SLC38A12: variants seen among roughly 807,000 people sequenced by gnomAD.
The protein encoded by SLC38A12 is solute carrier family 38 member 12, also known as putative sodium-coupled neutral amino acid transporter 12.
At chr17:74,833,851 C>T in the SLC38A12 span, among the ~76,000 whole-genome samples, 1 of 152,172 alleles carries the variant, frequency 6.6e-6, no homozygotes, top group Non-Finnish European at 1.5e-5. Flanking sequence ...GCAGCTGCCC[C>T]CATTGCCCTG....
At chr17:74,780,420 G>A in the SLC38A12 span, among the ~76,000 whole-genome samples, 2 of 152,238 alleles carry the variant, frequency 1.3e-5, no homozygotes, top group African/African-American at 4.8e-5. Flanking sequence ...CACAGAGGAA[G>A]AGGTGAGAAT....
At chr17:74,836,575 A>G in the SLC38A12 span, 1 of 1,613,214 alleles carries the variant, frequency 6.2e-7, no homozygotes, top group Non-Finnish European at 8.5e-7. The surrounding 1 kb of genome is among the most constrained non-coding windows in gnomAD (Gnocchi z 4.2). Context: ...GTCAGCAACA[A>G]GCACAGGTCC....
At chr17:74,786,997 G>A in the SLC38A12 span, among the ~76,000 whole-genome samples, 85 of 152,244 alleles carry the variant, frequency 5.6e-4, no homozygotes, top group East Asian at 0.014. Flanking sequence ...AGTTGGCCTT[G>A]CGCAACCATG....
chr17:74,777,553 A>C, the SLC38A12 span: 1 of 1,534,902 alleles, frequency 6.5e-7, no homozygotes, highest in South Asian at 1.2e-5. Context: ...CTCAGAATGT[A>C]AGTCAGATTT....
chr17:74,837,566 G>A, the SLC38A12 span: 2 of 985,348 alleles, frequency 2.0e-6, no homozygotes, highest in African/African-American at 3.5e-5. Flanking sequence ...AGGGCTCTGA[G>A]GTTCCCACCC....
chr17:74,831,711 A>AC, the SLC38A12 span, among the ~76,000 whole-genome samples: 6 of 150,226 alleles, frequency 4.0e-5, no homozygotes, highest in African/African-American at 1.5e-4. Flanking sequence ...CTGGGGGCCG[A>AC]CCCCCCTGCA....
the SLC38A12 span, chr17:74,795,569 A>G: frequency 3.1e-6 from 5 of 1,613,984 alleles, no homozygotes; most frequent in African/African-American, 5.3e-5. Context: ...CAGACACCAA[A>G]TACAATGACA....
chr17:74,793,650 G>A, the SLC38A12 span, among the ~76,000 whole-genome samples: 4 of 152,202 alleles, frequency 2.6e-5, no homozygotes, highest in Non-Finnish European at 5.9e-5. Context: ...TGGAGGAAAG[G>A]CTGGGAGTGG....
At chr17:74,812,674 C>G in the SLC38A12 span, among the ~76,000 whole-genome samples, 52 of 152,162 alleles carry the variant, frequency 3.4e-4, no homozygotes, top group African/African-American at 1.2e-3. Flanking sequence ...GATGAGCCCC[C>G]CTGCGCCCTC....
the SLC38A12 span, chr17:74,790,048 G>T: frequency 1.6e-6 from 1 of 623,614 alleles, no homozygotes; most frequent in Non-Finnish European, 2.9e-6. Context: ...CGATCTCCTG[G>T]GCTCAGGTGA....
At chr17:74,820,893 G>T in the SLC38A12 span, among the ~76,000 whole-genome samples, 1 of 152,196 alleles carries the variant, frequency 6.6e-6, no homozygotes, top group Non-Finnish European at 1.5e-5. Context: ...ATGACTTCCA[G>T]CAGCTTGACA....
At chr17:74,801,286 G>A in the SLC38A12 span, among the ~76,000 whole-genome samples, 4 of 152,256 alleles carry the variant, frequency 2.6e-5, no homozygotes, top group South Asian at 2.1e-4. Flanking sequence ...TCTCGCCTAT[G>A]GAGAGATGTC....
chr17:74,794,914 TG>T, the SLC38A12 span: 5 of 966,606 alleles, frequency 5.2e-6, no homozygotes, highest in Non-Finnish European at 8.0e-6. Context: ...CTGAAAGCTA[TG>T]GGAGAGGTAG....
At chr17:74,835,669 G>T in the SLC38A12 span, among the ~76,000 whole-genome samples, 1 of 152,150 alleles carries the variant, frequency 6.6e-6, no homozygotes, top group Non-Finnish European at 1.5e-5. Flanking sequence ...CCTGCCACTG[G>T]CCCCACTGCA....
chr17:74,832,472 CCT>C, the SLC38A12 span, among the ~76,000 whole-genome samples: 1 of 152,246 alleles, frequency 6.6e-6, no homozygotes, highest in Non-Finnish European at 1.5e-5. Flanking sequence ...GGTCCTCACC[CCT>C]GTTTTGGGGG....
chr17:74,832,108 G>A, the SLC38A12 span, among the ~76,000 whole-genome samples: 1 of 152,132 alleles, frequency 6.6e-6, no homozygotes, highest in Admixed American at 6.5e-5. Context: ...TCGCCAGGTG[G>A]GCAGTGGGGG....
the SLC38A12 span, chr17:74,836,385 C>A: frequency 6.2e-7 from 1 of 1,611,906 alleles, no homozygotes; most frequent in Non-Finnish European, 8.5e-7. This position sits in a 1 kb window ranked among gnomAD's most constrained non-coding sequence, Gnocchi z 4.2. Flanking sequence ...GGTGGTGGAC[C>A]GCGTCGTGTT....
At chr17:74,789,845 C>CA in the SLC38A12 span, among the ~76,000 whole-genome samples, 4,309 of 46,740 alleles carry the variant, frequency 0.092, 177 homozygotes, top group Non-Finnish European at 0.11. Flanking sequence ...AACTTCGTCT[C>CA]AAAAAAAAAA....
chr17:74,785,847 C>T, the SLC38A12 span, among the ~76,000 whole-genome samples: 12 of 152,200 alleles, frequency 7.9e-5, no homozygotes, highest in African/African-American at 2.9e-4. Context: ...ATCCACTAGG[C>T]TTTGGAATGT....
Sources: gnomAD v4.1 joint callset for allele counts (sites outside exome capture counted in the v4.1 genomes callset) on GRCh38, gnomAD v4.1.1 for gene constraint, Gnocchi (gnomAD v3.1) non-coding constraint, MANE v1.5 for transcripts, NCBI Gene and HGNC (gene_info 2026-07-23, HGNC 2026-07-21) for gene names.